The following CLEC12A variants were observed in gnomAD, a reference collection of about 807,000 sequenced individuals.
CLEC12A encodes the protein C-type lectin domain family 12 member A.
Under a neutral mutation model 26.5 loss-of-function variants are expected in CLEC12A, and 22 were observed. The ratio of observed to expected loss-of-function variants is 0.83; its 90% confidence interval spans 0.59 to 1.19. The LOEUF is 1.19. Among genes scored for constraint, CLEC12A ranks in the 50% most tolerant of loss-of-function variants. The pLI is 0.00. For missense variants in CLEC12A, 353 were observed against 315.6 expected, an observed-to-expected ratio of 1.12 and a Z score of -0.90; for synonymous variants, 119 against 101.9, an observed-to-expected ratio of 1.17 and a Z score of -1.01.
chr12:10,002,440 G>GTTTTTTTTTTTTTTTTTTTTTTTTT, the CLEC12A span, among the ~76,000 whole-genome samples: 5 of 40,484 alleles, frequency 1.2e-4, no homozygotes, highest in Non-Finnish European at 2.5e-4. Flanking sequence ...GTTGGGTAAT[G>GTTTTTTTTTTTTTTTTTTTTTTTTT]TTTTTTTTTT....
intron 4 of CLEC12A, chr12:9,993,160 C>T (rs1306770301): frequency 1.2e-6 from 2 of 1,611,048 alleles, no homozygotes; most frequent in Admixed American, 1.7e-5. Flanking sequence ...AGTTGGTCCA[C>T]CTTGGTCATG....
chr12:9,960,914 G>A lies in CLEC12A; in HGVS notation c.10+9558G>A, dbSNP rs112081782. ...TAATTTCTATTTTTCCCCTGTCCAC[G>A]TAGCATCAAACTCTGTAAAATATTT... On this transcript the variant is annotated intron_variant, in intron 1 of 6. Coordinates refer to the CLEC12A transcript ENST00000355690. 9.9e-5 allele frequency among the ~76,000 whole-genome samples: 15 copies of A among 151,990 alleles called. No individual in the cohort carries two copies. In the South Asian group the frequency reaches 2.1e-3, roughly 21 times the overall value.
chr12:9,995,351 A>T (rs536908601), exon 5 of CLEC12A: 3 of 883,862 alleles, frequency 3.4e-6, no homozygotes, highest in East Asian at 5.0e-5. Flanking sequence ...GTTGGATTAC[A>T]TGTCTATATT....
At chr12:9,979,878 T>C (rs753355052) in intron 3 of CLEC12A, among the ~76,000 whole-genome samples, 4 of 150,818 alleles carry the variant, frequency 2.7e-5, no homozygotes, top group Non-Finnish European at 5.9e-5. Flanking sequence ...CATTCTTAAA[T>C]TTCAGTCAGT....
At chr12:9,993,396 GA>G (rs1210022004) in intron 4 of CLEC12A, 29 of 313,162 alleles carry the variant, frequency 9.3e-5, no homozygotes, top group East Asian at 5.1e-4. Flanking sequence ...AGGAAAATAG[GA>G]AAAAAAAACA....
At chr12:10,004,243 C>T in the CLEC12A span, among the ~76,000 whole-genome samples, 1 of 152,214 alleles carries the variant, frequency 6.6e-6, no homozygotes, top group Non-Finnish European at 1.5e-5. Flanking sequence ...TTAACCAGCT[C>T]AGTGCCTCCC....
At chr12:9,964,219 C>A (rs945707207) in intron 1 of CLEC12A, among the ~76,000 whole-genome samples, 3 of 152,030 alleles carry the variant, frequency 2.0e-5, no homozygotes, top group Non-Finnish European at 4.4e-5. Context: ...CTGGACCTGT[C>A]TAGAAAGTAA....
intron 4 of CLEC12A, among the ~76,000 whole-genome samples, chr12:9,994,094 T>A (rs1212228313): frequency 6.6e-6 from 1 of 152,068 alleles, no homozygotes; most frequent in Non-Finnish European, 1.5e-5. Flanking sequence ...TAAGGGAGGC[T>A]AATTTAGTTT....
chr12:9,983,363 A>G (rs749778652), intron 5 of CLEC12A, among the ~76,000 whole-genome samples: 1 of 152,294 alleles, frequency 6.6e-6, no homozygotes, highest in Middle Eastern at 3.4e-3. Flanking sequence ...AGTATAGATA[A>G]AATAATTTGT....
At chr12:9,988,323 A>C (rs1260814633), downstream of CLEC12A, among the ~76,000 whole-genome samples, 2 of 152,218 alleles carry the variant, frequency 1.3e-5, no homozygotes, top group African/African-American at 4.8e-5. Flanking sequence ...TCATGTCTAA[A>C]ACACCAAAAG....
intron 1 of CLEC12A, among the ~76,000 whole-genome samples, chr12:9,973,000 A>C (rs1402442750): frequency 6.6e-6 from 1 of 152,142 alleles, no homozygotes; most frequent in African/African-American, 2.4e-5. Flanking sequence ...AATTCCCTGA[A>C]TTCACGGAAA....
At chr12:9,996,299 CT>C (rs1462192518), downstream of CLEC12A, among the ~76,000 whole-genome samples, 1 of 152,124 alleles carries the variant, frequency 6.6e-6, no homozygotes, top group African/African-American at 2.4e-5. Context: ...TATACAATTT[CT>C]TTTTCTGAAA....
downstream of CLEC12A, among the ~76,000 whole-genome samples, chr12:9,986,655 A>G (rs915069611): frequency 2.2e-4 from 33 of 152,266 alleles, no homozygotes; most frequent in Middle Eastern, 3.4e-3. Flanking sequence ...TACTAAAAAT[A>G]CAAAAATCAG....
downstream of CLEC12A, among the ~76,000 whole-genome samples, chr12:9,989,430 C>T (rs919081340): frequency 6.6e-6 from 1 of 152,132 alleles, no homozygotes; most frequent in Admixed American, 6.5e-5. Flanking sequence ...ACAAGATAGC[C>T]TTATTGCTGA....
At chr12:9,963,306 AAAC>A (rs145018128) in intron 1 of CLEC12A, among the ~76,000 whole-genome samples, 49,060 of 151,424 alleles carry the variant, frequency 0.32, 8,522 homozygotes, top group East Asian at 0.46. Context: ...ATTTAGGTAG[AAAC>A]AACACTCTTC....
At chr12:9,973,641 C>CTT (rs199911410) in intron 1 of CLEC12A, among the ~76,000 whole-genome samples, 1 of 151,808 alleles carries the variant, frequency 6.6e-6, no homozygotes, top group African/African-American at 2.4e-5. Context: ...TCCATCTACA[C>CTT]TTTTTTTTGT....
intron 1 of CLEC12A, among the ~76,000 whole-genome samples, chr12:9,962,047 C>A (rs1294608315): frequency 1.3e-5 from 2 of 152,148 alleles, no homozygotes; most frequent in African/African-American, 4.8e-5. Context: ...AGGGAGGCAG[C>A]CTTCATCAGC....
downstream of CLEC12A, among the ~76,000 whole-genome samples, chr12:9,989,429 C>G (rs371319454): frequency 6.6e-6 from 1 of 152,044 alleles, no homozygotes; most frequent in Non-Finnish European, 1.5e-5. Context: ...AACAAGATAG[C>G]CTTATTGCTG....
At position 9,982,099 on chromosome 12, in the gene CLEC12A, G is replaced by C; in HGVS notation, c.611G>C (p.Arg204Thr). 1 of 1,591,344 alleles carries C rather than the reference G, an allele frequency of 6.3e-7. No individual in the cohort carries two copies. Among genetic ancestry groups the C allele is most frequent in the Non-Finnish European group, 8.6e-7 (1 of 1,160,162 alleles). The stretch of plus-strand genomic sequence containing the variant: ...GAAGAAGATTCCACTCGTGGTATGA[G>C]AGTGGATAATATAATCAACTCCTCT... ...SPEEDSTRGM[R>T]VDNIINSSAW... Residue 204 changes from arginine (R) to threonine (T), a missense_variant, in exon 5 of 6, where the codon AGA (arginine) becomes ACA (threonine). Physicochemically the swap from Arg to Thr is moderately conservative, Grantham distance 71. Coordinates refer to ENST00000304361, the MANE Select transcript of CLEC12A (RefSeq NM_138337.6).
Sources: allele counts gnomAD v4.1 joint callset (sites outside exome capture counted in the v4.1 genomes callset), GRCh38; gene constraint gnomAD v4.1.1; transcripts MANE v1.5; gene names NCBI Gene and HGNC (gene_info 2026-07-23, HGNC 2026-07-21).